DAB1: variants seen among roughly 807,000 people sequenced by gnomAD.
The protein encoded by DAB1 is disabled homolog 1.
Under a neutral mutation model 64.6 loss-of-function variants are expected in DAB1, and 15 were observed. That is an observed-to-expected ratio of 0.23 (90% CI 0.16 to 0.36). The LOEUF is 0.36. DAB1 is among the 10% of genes least tolerant of loss of function. The pLI is 1.00. For synonymous variants in DAB1, 235 were observed against 251.9 expected (o/e 0.93, Z 0.64); for missense variants, 596 against 706.7 (o/e 0.84, Z 1.78).
At chr1:57,727,449 T>C (rs151267067) in intron 6 of DAB1, among the ~76,000 whole-genome samples, 1 of 152,142 alleles carries the variant, frequency 6.6e-6, no homozygotes, top group African/African-American at 2.4e-5. Flanking sequence ...CACATCTTAT[T>C]ACCTGGCTAT....
rs148665125 is a variant in DAB1, at chr1:56,996,631, G to A, written c.*1513C>T. On this transcript the variant is annotated 3_prime_UTR_variant, in exon 15 of 15. Transcript: ENST00000371236. ...GAATTGTCTTTTTCTTGTGTTGCAC[G>A]TAGGGTGGGGACTCTCGTGGAAAGG... 136 of 152,476 alleles carry A rather than the reference G, an allele frequency of 8.9e-4. No homozygotes were observed. Among genetic ancestry groups the A allele is most frequent in the African/African-American group, 3.0e-3 (123 of 41,536 alleles). The allele number at this position is 152,476 out of a possible 1,614,324, so 9.4% of individuals were successfully genotyped here.
intron 7 of DAB1, among the ~76,000 whole-genome samples, chr1:57,434,192 A>G (rs942923386): frequency 3.9e-5 from 6 of 152,216 alleles, no homozygotes; most frequent in Non-Finnish European, 7.4e-5. Flanking sequence ...TTGAAAATGT[A>G]TATCCATTTT....
chr1:57,352,898 C>T (rs914650286), intron 1 of DAB1, among the ~76,000 whole-genome samples: 1 of 151,922 alleles, frequency 6.6e-6, no homozygotes, highest in African/African-American at 2.4e-5. Flanking sequence ...AACAAATAGA[C>T]CAGCAGCCCC....
chr1:57,898,550 C>T (rs548462569), intron 5 of DAB1, among the ~76,000 whole-genome samples: 21 of 152,158 alleles, frequency 1.4e-4, no homozygotes, highest in Non-Finnish European at 2.1e-4. Context: ...ATACCAAATA[C>T]GGAAGACTTT....
chr1:58,420,376 T>A (rs963274519), intron 3 of DAB1, among the ~76,000 whole-genome samples: 1 of 152,210 alleles, frequency 6.6e-6, no homozygotes, highest in African/African-American at 2.4e-5. Flanking sequence ...ACCCAAGTCA[T>A]GGGTAAAAGA....
chr1:57,510,503 T>C (rs955279750), intron 7 of DAB1, among the ~76,000 whole-genome samples: 6 of 152,160 alleles, frequency 3.9e-5, no homozygotes, highest in Admixed American at 2.6e-4. Context: ...ATGCTAATGA[T>C]TCCCAAGTTT....
At chr1:58,287,589 C>T (rs1201684545) in intron 4 of DAB1, among the ~76,000 whole-genome samples, 1 of 152,078 alleles carries the variant, frequency 6.6e-6, no homozygotes, top group Non-Finnish European at 1.5e-5. Flanking sequence ...TGCTCAGCAA[C>T]TGGGTTTTAA....
At chr1:57,096,018 A>G (rs1654129501) in intron 4 of DAB1, among the ~76,000 whole-genome samples, 1 of 152,242 alleles carries the variant, frequency 6.6e-6, no homozygotes, top group South Asian at 2.1e-4. Context: ...TGTTGACTAA[A>G]TGTTTTCTTC....
intron 5 of DAB1, among the ~76,000 whole-genome samples, chr1:58,031,190 A>C (rs1001971817): frequency 1.1e-4 from 16 of 152,184 alleles, no homozygotes; most frequent in African/African-American, 3.4e-4. Flanking sequence ...CTTACAGAAC[A>C]AAAAAATGCT....
At position 58,097,519 on chromosome 1, in the gene DAB1, C is replaced by A. The variant is rs527796797; in HGVS notation, n.387+52992G>T. 3.1e-4 allele frequency among the ~76,000 whole-genome samples: 45 copies of A among 146,870 alleles called. No individual in the cohort carries two copies. The East Asian group carries it at 0.01, about 34-fold the overall frequency. On this transcript the variant is annotated intron_variant and non_coding_transcript_variant, in intron 5 of 20. Transcript: ENST00000485760. ...TTGGGAACGGGGGATGTTCAGGAAG[C>A]CTTTTTTTTTTACCCTGAGGGGGAA...
chr1:58,221,152 A>G (rs74077937), intron 4 of DAB1, among the ~76,000 whole-genome samples: 5,942 of 151,772 alleles, frequency 0.039, 362 homozygotes, highest in African/African-American at 0.14. Context: ...ATATACACAT[A>G]TTTCTTTTCT....
At chr1:57,897,202 A>G (rs1195799268) in intron 5 of DAB1, among the ~76,000 whole-genome samples, 2 of 152,208 alleles carry the variant, frequency 1.3e-5, no homozygotes, top group Non-Finnish European at 2.9e-5. Context: ...TCAAAGGATA[A>G]TATATATTTT....
At chr1:57,685,243 C>T (rs547722727) in intron 6 of DAB1, among the ~76,000 whole-genome samples, 3 of 151,486 alleles carry the variant, frequency 2.0e-5, no homozygotes, top group African/African-American at 7.3e-5. Context: ...TGAGCCACCA[C>T]TCGTGGCCGG....
intron 3 of DAB1, among the ~76,000 whole-genome samples, chr1:58,504,862 A>G (rs1645962076): frequency 6.6e-6 from 1 of 152,170 alleles, no homozygotes; most frequent in Non-Finnish European, 1.5e-5. Context: ...ACCATATCTT[A>G]TTCCTCTTTG....
chr1:58,376,664 G>T (rs1205274742), intron 3 of DAB1, among the ~76,000 whole-genome samples: 2 of 141,984 alleles, frequency 1.4e-5, no homozygotes, highest in African/African-American at 5.3e-5. Flanking sequence ...TGTTGATTTG[G>T]GGTGGAGAGT....
intron 4 of DAB1, among the ~76,000 whole-genome samples, chr1:58,216,747 T>C (rs1027075984): frequency 1.3e-5 from 2 of 152,224 alleles, no homozygotes; most frequent in Admixed American, 6.5e-5. Flanking sequence ...TGGTATCTCA[T>C]TGTGGTTTTG....
chr1:57,859,284 C>G (rs1271440704), intron 1 of DAB1, among the ~76,000 whole-genome samples: 1 of 152,196 alleles, frequency 6.6e-6, no homozygotes, highest in African/African-American at 2.4e-5. Flanking sequence ...ATTTGCTGCT[C>G]AGACCAAACA....
intron 7 of DAB1, among the ~76,000 whole-genome samples, chr1:57,443,008 C>T (rs1336954294): frequency 6.6e-6 from 1 of 152,240 alleles, no homozygotes; most frequent in Non-Finnish European, 1.5e-5. Context: ...CCCACCAGCA[C>T]TTCTCTCAAC....
At chr1:57,056,736 C>T (rs891679292) in intron 9 of DAB1, among the ~76,000 whole-genome samples, 4 of 151,798 alleles carry the variant, frequency 2.6e-5, no homozygotes, top group African/African-American at 7.3e-5. Flanking sequence ...TAGTGGTGCA[C>T]GCCTGCAATC....
Sources: allele counts gnomAD v4.1 joint callset (sites outside exome capture counted in the v4.1 genomes callset), GRCh38; gene constraint gnomAD v4.1.1; transcripts MANE v1.5; gene names NCBI Gene and HGNC (gene_info 2026-07-23, HGNC 2026-07-21).